THRAP3: variants seen among roughly 807,000 people sequenced by gnomAD.
THRAP3 encodes thyroid hormone receptor associated protein 3, also known as thyroid hormone receptor-associated protein 3.
Under a neutral mutation model 101.0 loss-of-function variants are expected in THRAP3, and 16 were observed. The ratio of observed to expected loss-of-function variants is 0.16; its 90% CI spans 0.11 to 0.24. The LOEUF (loss-of-function observed/expected upper bound fraction) is 0.24. THRAP3 is among the 10% of genes least tolerant of loss of function. The pLI, the probability that THRAP3 is intolerant of heterozygous loss-of-function variation, is 1.00. For missense variants in THRAP3, 989 were observed against 1,202.7 expected (o/e 0.82, Z 2.63); for synonymous variants, 407 against 422.6 (o/e 0.96, Z 0.45).
chr1:36,235,286 A>G (rs1645072671), intron 1 of THRAP3, among the ~76,000 whole-genome samples: 1 of 152,186 alleles, frequency 6.6e-6, no homozygotes, highest in Non-Finnish European at 1.5e-5. Context: ...ATATTATTGT[A>G]TATGGAAACA....
chr1:36,274,430 C>G (rs1000010642), intron 2 of THRAP3, among the ~76,000 whole-genome samples: 2 of 152,074 alleles, frequency 1.3e-5, no homozygotes, highest in African/African-American at 4.8e-5. Flanking sequence ...TTCTAAAATT[C>G]ATATGGACAT....
At chr1:36,282,841 A>C in intron 3 of THRAP3, 141 bp downstream of exon 3, 1 of 809,184 alleles carries the variant, frequency 1.2e-6, no homozygotes. Flanking sequence ...GCTATAAGAT[A>C]TTCCAGGTCT....
rs146392335 is a variant in THRAP3 at position 36,258,570 on chromosome 1, G to A, written c.-134-812G>A. Among the ~76,000 whole-genome samples, 333 of 152,130 alleles carry A rather than the reference G, an allele frequency of 2.2e-3. 3 individuals are homozygous for A. The highest frequency in any genetic ancestry group is 7.7e-3 in the African/African-American group (318 of 41,502). On this transcript the variant is annotated intron_variant, in intron 1 of 11. Transcript: ENST00000354618. Reference sequence around the variant, plus strand: ...GGCTCACCGCAAGCTCCACCTCCTGGGTTCACGCCACTCTCCCACCTCAGC... The same window carrying A: ...GGCTCACCGCAAGCTCCACCTCCTGAGTTCACGCCACTCTCCCACCTCAGC...
chr1:36,220,655 C>A (rs1644898067), upstream of THRAP3, among the ~76,000 whole-genome samples: 2 of 150,454 alleles, frequency 1.3e-5, no homozygotes, highest in African/African-American at 4.9e-5. Context: ...CCAGAATGGG[C>A]AATATACTGA....
At chr1:36,296,284 A>G (rs1044614852) in intron 8 of THRAP3, among the ~76,000 whole-genome samples, 5 of 152,044 alleles carry the variant, frequency 3.3e-5, no homozygotes, top group Non-Finnish European at 5.9e-5. Context: ...AGCCTTCTCA[A>G]CTTCTAAACT....
intron 1 of THRAP3, among the ~76,000 whole-genome samples, chr1:36,236,009 G>A (rs765956534): frequency 6.6e-6 from 1 of 152,002 alleles, no homozygotes; most frequent in Non-Finnish European, 1.5e-5. Flanking sequence ...AGGACTTTGG[G>A]AGGCCGAGGT....
At chr1:36,255,225 A>C (rs889173258) in intron 1 of THRAP3, among the ~76,000 whole-genome samples, 1 of 152,126 alleles carries the variant, frequency 6.6e-6, no homozygotes, top group African/African-American at 2.4e-5. Flanking sequence ...ATTAGTCCTC[A>C]AGTATTACAT....
At chr1:36,293,983 G>C in intron 8 of THRAP3, 48 bp downstream of exon 8, 1 of 1,586,502 alleles carries the variant, frequency 6.3e-7, no homozygotes, top group Non-Finnish European at 8.6e-7. Context: ...AGTGCGTTGG[G>C]CATGAACTTG....
intron 9 of THRAP3, 136 bp downstream of exon 9, chr1:36,296,906 T>A: frequency 1.6e-6 from 1 of 618,862 alleles, no homozygotes; most frequent in Non-Finnish European, 2.5e-6. Context: ...TTAATCCATG[T>A]AAATGTCAGG....
intron 2 of THRAP3, among the ~76,000 whole-genome samples, chr1:36,269,268 C>T (rs1331027003): frequency 1.3e-5 from 2 of 152,086 alleles, no homozygotes; most frequent in Non-Finnish European, 1.5e-5. Flanking sequence ...ACAGTTGAAG[C>T]GAGCTCACTT....
At chr1:36,297,131 T>C (rs1035816994) in intron 9 of THRAP3, among the ~76,000 whole-genome samples, 4 of 152,212 alleles carry the variant, frequency 2.6e-5, no homozygotes, top group African/African-American at 9.7e-5. Context: ...CCCAAAGTCA[T>C]TGTCAAGTAA....
intron 8 of THRAP3, 85 bp from the exon 9 acceptor site, chr1:36,296,498 T>G: frequency 8.8e-7 from 1 of 1,138,266 alleles, no homozygotes; most frequent in Non-Finnish European, 1.2e-6. Context: ...CACCCCTCCA[T>G]TGGAGTAAAA....
chr1:36,265,596 C>G (rs915828463), intron 2 of THRAP3, among the ~76,000 whole-genome samples: 1 of 151,616 alleles, frequency 6.6e-6, no homozygotes, highest in South Asian at 2.1e-4. Context: ...AGCATAAACT[C>G]CAATTTTACC....
chr1:36,264,754 T>C (rs923640525), intron 2 of THRAP3, among the ~76,000 whole-genome samples: 3 of 152,198 alleles, frequency 2.0e-5, no homozygotes, highest in Admixed American at 6.6e-5. Flanking sequence ...TTTTTTAATA[T>C]CTATTTGAGA....
At position 36,286,495 on chromosome 1, in the gene THRAP3, C is replaced by T; in HGVS notation, c.265C>T (p.Arg89Cys). The T allele has an allele frequency of 1.2e-6, 2 of 1,614,086 alleles. No individual in the cohort carries two copies. The highest frequency in any genetic ancestry group is 1.7e-6 in the Non-Finnish European group (2 of 1,180,026). ...TAGAAGGCCCTATTATTTCCGTGGG[C>T]GTAACAGAGGCTTTTATCCATGGGG... ...GYRRPYYFRG[R>C]NRGFYPWGQY... is the part of the protein sequence containing the mutation. Residue 89 changes from arginine to cysteine, a missense_variant, in exon 4 of 12, where the codon CGT (arginine) becomes TGT (cysteine). Physicochemically the swap from Arg to Cys is radical, Grantham distance 180. Transcript: ENST00000354618. The surrounding 1 kb of genome is among the most constrained non-coding windows in gnomAD (Gnocchi z 5.5).
In THRAP3 at chr1:36,227,241, T is replaced by C. The variant is rs142949627; in HGVS notation, c.-135+2736T>C. Among the ~76,000 whole-genome samples, 4 of 152,240 alleles carry C rather than the reference T, an allele frequency of 2.6e-5. No homozygotes were observed. The East Asian group carries it at 7.7e-4, about 29-fold the overall frequency. On this transcript the variant is annotated intron_variant, in intron 1 of 11. Transcript: ENST00000354618. Reference sequence around the variant, plus strand: ...TGATGGTAGGAAGGATTGCCGTCTCTCTCTTTAATATGTATAGACACATAC... The same window carrying C: ...TGATGGTAGGAAGGATTGCCGTCTCCCTCTTTAATATGTATAGACACATAC...
chr1:36,239,069 G>A (rs1231770838), intron 1 of THRAP3, among the ~76,000 whole-genome samples: 9 of 151,696 alleles, frequency 5.9e-5, no homozygotes, highest in Admixed American at 4.0e-4. Flanking sequence ...AAGTAGCTGG[G>A]AGTACAGGTG....
At chr1:36,224,657 G>T (rs1644939199) in intron 1 of THRAP3, among the ~76,000 whole-genome samples, 152 bp downstream of exon 1, 2 of 152,126 alleles carry the variant, frequency 1.3e-5, no homozygotes, top group African/African-American at 2.4e-5. Flanking sequence ...TCTTCTGAGC[G>T]GGCTCCGTTC....
chr1:36,267,005 C>T (rs1415078321), intron 2 of THRAP3, among the ~76,000 whole-genome samples: 2 of 151,976 alleles, frequency 1.3e-5, no homozygotes, highest in Non-Finnish European at 2.9e-5. Context: ...CTCAGCCTCC[C>T]GAGTAGGTGG....
Sources: gnomAD v4.1 joint callset for allele counts (sites outside exome capture counted in the v4.1 genomes callset) on GRCh38, gnomAD v4.1.1 for gene constraint, Gnocchi (gnomAD v3.1) non-coding constraint, MANE v1.5 for transcripts, NCBI Gene and HGNC (gene_info 2026-07-23, HGNC 2026-07-21) for gene names.